Variants in GRIK2 observed in about 807,000 individuals in gnomAD.
The protein encoded by GRIK2 is glutamate ionotropic receptor kainate type subunit 2.
In GRIK2, 32 loss-of-function variants were observed where a neutral mutation model predicts 100.3. The observed-to-expected ratio is 0.32, with a 90% CI of 0.24 to 0.43. The LOEUF is 0.43. GRIK2 is among the 20% of genes least tolerant of loss of function. The probability of loss-of-function intolerance (pLI) is 1.00; values close to 1 mark genes in which losing one functional copy is unlikely to be tolerated. For missense variants in GRIK2, 843 were observed against 1,114.9 expected (o/e 0.76, Z 3.47); for synonymous variants, 417 against 389.4 (o/e 1.07, Z -0.83).
chr6:101,985,032 A>G (rs1202423166), intron 14 of GRIK2, among the ~76,000 whole-genome samples: 2 of 151,706 alleles, frequency 1.3e-5, no homozygotes, highest in African/African-American at 4.8e-5. Flanking sequence ...CACATAACAC[A>G]GTGGAAAACT....
chr6:101,585,506 C>T (rs902387413), intron 2 of GRIK2, among the ~76,000 whole-genome samples: 2 of 152,098 alleles, frequency 1.3e-5, no homozygotes, highest in Non-Finnish European at 1.5e-5. Context: ...TTCATATCCT[C>T]AAGAGGATAC....
chr6:101,610,482 A>G (rs1008453787), intron 2 of GRIK2, among the ~76,000 whole-genome samples: 2 of 151,834 alleles, frequency 1.3e-5, no homozygotes, highest in African/African-American at 4.8e-5. Context: ...TGAATTTCAT[A>G]ATATTTTGGC....
chr6:101,771,982 C>T (rs1016244739), intron 7 of GRIK2, among the ~76,000 whole-genome samples: 4 of 151,928 alleles, frequency 2.6e-5, no homozygotes, highest in South Asian at 2.1e-4. Flanking sequence ...TGAATAGTGT[C>T]GCAATAAACA....
intron 2 of GRIK2, among the ~76,000 whole-genome samples, chr6:101,516,639 G>A (rs1774599573): frequency 6.6e-6 from 1 of 151,942 alleles, no homozygotes. Context: ...TTTTCTTAAT[G>A]GTACAGTAAT....
chr6:101,840,487 C>T (rs774927688), intron 10 of GRIK2, among the ~76,000 whole-genome samples: 4 of 152,178 alleles, frequency 2.6e-5, no homozygotes, highest in Non-Finnish European at 4.4e-5. Context: ...ATTAACCCCA[C>T]TACAGTGACT....
chr6:101,927,306 C>A, intron 13 of GRIK2: 1 of 727,262 alleles, frequency 1.4e-6, no homozygotes, highest in Non-Finnish European at 1.7e-6. Context: ...TGTTACCTTA[C>A]TGCATCAGAG....
chr6:102,033,062 C>T (rs547469621), intron 14 of GRIK2, among the ~76,000 whole-genome samples: 1 of 151,222 alleles, frequency 6.6e-6, no homozygotes, highest in Admixed American at 6.6e-5. Flanking sequence ...TTAGGCAAAT[C>T]ATTAACATCA....
chr6:102,011,295 T>C (rs1403471513), intron 14 of GRIK2, among the ~76,000 whole-genome samples: 5 of 152,152 alleles, frequency 3.3e-5, no homozygotes, highest in Non-Finnish European at 5.9e-5. Flanking sequence ...CTTAATGATA[T>C]ATGATGCTAA....
chr6:101,959,945 A>G (rs1254206260), intron 14 of GRIK2, among the ~76,000 whole-genome samples: 2 of 152,038 alleles, frequency 1.3e-5, no homozygotes, highest in African/African-American at 2.4e-5. Context: ...TGTTCCCACA[A>G]ATAAGTTTCC....
chr6:101,449,165 A>T (rs1165120822), intron 2 of GRIK2, among the ~76,000 whole-genome samples: 1 of 151,736 alleles, frequency 6.6e-6, no homozygotes, highest in Admixed American at 6.6e-5. Context: ...GTATTGATTT[A>T]CCAAAATTTT....
At chr6:101,681,639 A>G (rs1771265341) in intron 5 of GRIK2, among the ~76,000 whole-genome samples, 1 of 152,110 alleles carries the variant, frequency 6.6e-6, no homozygotes, top group Non-Finnish European at 1.5e-5. Flanking sequence ...TGTGCTATCA[A>G]ATACTAGATC....
At chr6:101,735,118 G>C (rs1340538443) in intron 7 of GRIK2, among the ~76,000 whole-genome samples, 1 of 152,142 alleles carries the variant, frequency 6.6e-6, no homozygotes. Flanking sequence ...TTAGTTTTAG[G>C]TTTATGAAGT....
chr6:101,474,578 A>C (rs1321541124), intron 2 of GRIK2, among the ~76,000 whole-genome samples: 1 of 151,914 alleles, frequency 6.6e-6, no homozygotes, highest in Non-Finnish European at 1.5e-5. Context: ...GTAATATACA[A>C]TAAAGGCACT....
chr6:101,929,809 A>G (rs1790143558), intron 14 of GRIK2, among the ~76,000 whole-genome samples: 1 of 152,162 alleles, frequency 6.6e-6, no homozygotes, highest in African/African-American at 2.4e-5. Flanking sequence ...ATTATTTTCA[A>G]AGTGAATTTC....
intron 2 of GRIK2, among the ~76,000 whole-genome samples, chr6:101,400,506 G>T (rs1775241314): frequency 6.6e-6 from 1 of 152,194 alleles, no homozygotes; most frequent in African/African-American, 2.4e-5. Flanking sequence ...GACAGTTCAA[G>T]TGGATTCAGA....
In GRIK2 at chr6:101,592,944, A is replaced by G. The variant is rs187196487; in HGVS notation, c.116-29005A>G. Among the ~76,000 whole-genome samples, 858 of 151,998 alleles carry G rather than the reference A, an allele frequency of 5.6e-3. 11 individuals carry two copies. Among genetic ancestry groups the G allele is most frequent in the African/African-American group, 0.02 (824 of 41,506 alleles). On this transcript the variant is annotated intron_variant, in intron 2 of 16. Transcript: ENST00000369134. ...AATTGTCAAATGAGCCACATTAATTATTTGCTGGAACAAATAAAAACAAAT... is the reference window on the plus strand; with the variant it reads ...AATTGTCAAATGAGCCACATTAATTGTTTGCTGGAACAAATAAAAACAAAT...
At chr6:101,556,358 C>A (rs1472187344) in intron 2 of GRIK2, among the ~76,000 whole-genome samples, 1 of 30,084 alleles carries the variant, frequency 3.3e-5, no homozygotes. Context: ...TTTTTGAGAC[C>A]GAGTCTCGCT....
At chr6:101,484,579 G>A (rs1772716093) in intron 2 of GRIK2, among the ~76,000 whole-genome samples, 1 of 145,020 alleles carries the variant, frequency 6.9e-6, no homozygotes, top group Admixed American at 7.0e-5. Flanking sequence ...ATATATATGG[G>A]ATATGCTAAG....
chr6:101,946,460 G>A (rs1791282551), intron 14 of GRIK2, among the ~76,000 whole-genome samples: 1 of 151,926 alleles, frequency 6.6e-6, no homozygotes, highest in Admixed American at 6.6e-5. Context: ...AAGCCTGGGA[G>A]GTTAAGGTTG....
Sources: gnomAD v4.1 joint callset for allele counts (sites outside exome capture counted in the v4.1 genomes callset) on GRCh38, gnomAD v4.1.1 for gene constraint, MANE v1.5 for transcripts, NCBI Gene and HGNC (gene_info 2026-07-23, HGNC 2026-07-21) for gene names.